The following GSTZ1 variants were observed in gnomAD, a reference collection of about 807,000 sequenced individuals.
The protein encoded by GSTZ1 is maleylacetoacetate isomerase.
In GSTZ1, 34 loss-of-function variants were observed where a neutral mutation model predicts 35.9. The ratio of observed to expected loss-of-function variants is 0.95; its 90% CI spans 0.72 to 1.26. The LOEUF (loss-of-function observed/expected upper bound fraction) is 1.26. GSTZ1 is among the 50% of genes most tolerant of loss of function. GSTZ1 has a pLI of 0.00. For synonymous variants in GSTZ1, 93 were observed against 101.2 expected, an observed-to-expected ratio of 0.92 and a Z score of 0.49; for missense variants, 263 against 271.7, an observed-to-expected ratio of 0.97 and a Z score of 0.23.
rs1158057873 is a variant in GSTZ1 at position 77,330,347 on chromosome 14, C to T, written c.512C>T (p.Ala171Val). ...MADLCLVPQVANAERFKVDLT... is the reference protein window; with the variant it reads ...MADLCLVPQVVNAERFKVDLT... ...GATCTGTGCTTGGTGCCTCAGGTGG[C>T]AAATGCTGAAAGGTAAGAGAGAGCC... The change falls in exon 8 of 9, where the codon GCA becomes GTA. Residue 171 changes from alanine to valine, a missense_variant. Transcript: ENST00000216465. 18 of 1,613,348 alleles carry T rather than the reference C, an allele frequency of 1.1e-5. No homozygotes were observed. The highest frequency in any genetic ancestry group is 3.3e-5 in the Admixed American group (2 of 59,994).
intron 1 of GSTZ1, chr14:77,321,422 G>A (rs1891961381): frequency 6.6e-7 from 1 of 1,526,302 alleles, no homozygotes; most frequent in African/African-American, 1.4e-5. Flanking sequence ...GGGTGGAGTC[G>A]CTGTCCGGTC....
intron 1 of GSTZ1, chr14:77,324,494 G>A: frequency 2.1e-6 from 2 of 946,186 alleles, no homozygotes; most frequent in South Asian, 2.8e-5. Context: ...TGCCTGGGTA[G>A]CCCAGCTTCC....
intron 2 of GSTZ1, chr14:77,325,642 T>G (rs1892279705): frequency 6.6e-6 from 1 of 152,204 alleles, no homozygotes; most frequent in Non-Finnish European, 1.5e-5. Context: ...CAGAGGCCCA[T>G]TAAGTTACTT....
At chr14:77,324,205 C>T (rs147250776) in intron 1 of GSTZ1, 16 of 175,184 alleles carry the variant, frequency 9.1e-5, no homozygotes, top group South Asian at 2.6e-4. Flanking sequence ...TGCAGTGGTG[C>T]GATCTCGGCC....
At chr14:77,324,360 T>C (rs958095603) in intron 1 of GSTZ1, 1 of 549,612 alleles carries the variant, frequency 1.8e-6, no homozygotes, top group Non-Finnish European at 3.3e-6. Context: ...TTGGCCAGGC[T>C]GGTCTCAAAC....
At chr14:77,325,270 T>G (rs1371227893) in intron 2 of GSTZ1, 1 of 281,752 alleles carries the variant, frequency 3.5e-6, no homozygotes, top group Admixed American at 4.4e-5. Context: ...AGTTCTTATT[T>G]TATTTGAACT....
rs8177575 is a variant in GSTZ1 at position 77,331,502 on chromosome 14, GC to G, written c.*308del. 3.1e-3 allele frequency: 926 copies of G among 298,558 alleles called. 11 individuals carry two copies. Among genetic ancestry groups the G allele is most frequent in the African/African-American group, 0.018 (871 of 47,732 alleles). The allele number at this position is 298,558 out of a possible 1,614,324, so 18.5% of individuals were successfully genotyped here. On this transcript the variant is annotated 3_prime_UTR_variant, in exon 9 of 9. Transcript: ENST00000216465. ...TGCTCACCGTAACACCACGGGGAAG[GC>G]TGTGTGCCTTTTCTCATCCGCTTTT...
intron 1 of GSTZ1, chr14:77,321,495 T>G: frequency 7.1e-7 from 1 of 1,414,744 alleles, no homozygotes; most frequent in South Asian, 1.3e-5. Flanking sequence ...CACTAAGGCT[T>G]CCAAACGTCG....
At chr14:77,323,293 AAAAAC>A (rs1892124343) in intron 1 of GSTZ1, 1 of 152,182 alleles carries the variant, frequency 6.6e-6, no homozygotes, top group Non-Finnish European at 1.5e-5. Flanking sequence ...TTTAAAGAAA[AAAAAC>A]AAACAGGTGT....
chr14:77,328,031 C>T lies in GSTZ1; in HGVS notation c.336C>T (p.Pro112=), dbSNP rs983076967. 1.2e-6 allele frequency: 2 copies of T among 1,613,816 alleles called. No homozygotes were observed. The highest frequency in any genetic ancestry group is 1.7e-6 in the Non-Finnish European group (2 of 1,179,880). ...ACCTCATCGCTGGTGGCATCCAGCCCCTGCAGGTGTGGCACTTGTACACTT... is the reference window on the plus strand; with the variant it reads ...ACCTCATCGCTGGTGGCATCCAGCCTCTGCAGGTGTGGCACTTGTACACTT... ...ISDLIAGGIQ[P]LQNLSVLKQV... is the part of the protein sequence containing the mutation. The change falls in exon 5 of 9, where the codon CCC becomes CCT. Residue 112 remains proline (P), a synonymous_variant. Coordinates refer to ENST00000216465, the MANE Select transcript of GSTZ1 (RefSeq NM_145870.3).
intron 1 of GSTZ1, 160 bp downstream of exon 1, chr14:77,321,343 G>A (rs1267606787): frequency 3.3e-6 from 5 of 1,533,422 alleles, no homozygotes; most frequent in Non-Finnish European, 4.4e-6. Context: ...GCTGCGCGCT[G>A]CCCGCTGGGG....
chr14:77,321,081 T>G lies in GSTZ1; in HGVS notation c.-88T>G, dbSNP rs1011509054. 8 of 1,302,772 alleles carry G rather than the reference T, an allele frequency of 6.1e-6. No homozygotes were observed. The highest frequency in any genetic ancestry group is 8.2e-6 in the Non-Finnish European group (8 of 970,472). 80.7% of individuals were successfully genotyped at this position (1,302,772 alleles called of 1,614,324 possible). A position where few individuals can be genotyped will look rare whatever the true frequency, so the allele number is the denominator to read the frequency against. On this transcript the variant is annotated 5_prime_UTR_variant, in exon 1 of 9. Coordinates refer to ENST00000216465, the MANE Select transcript of GSTZ1 (RefSeq NM_145870.3). ...ACCCGGACGAAAGACACGGGCCTGA[T>G]TCGTCGAGTCTCACTGAGCCTTAGT... is the stretch of plus-strand genomic sequence containing the variant.
chr14:77,330,719 C>T, intron 8 of GSTZ1, among the ~76,000 whole-genome samples: 1 of 152,124 alleles, frequency 6.6e-6, no homozygotes, highest in East Asian at 1.9e-4. Flanking sequence ...CACAAATGAG[C>T]ACCTCTCTGG....
chr14:77,324,663 C>T (rs1385909968), intron 1 of GSTZ1: 1 of 1,389,632 alleles, frequency 7.2e-7, no homozygotes, highest in East Asian at 2.5e-5. Flanking sequence ...CTTTGGGGGC[C>T]TCTTGGACCT....
rs1046273309 is a variant in GSTZ1 at position 77,321,041 on chromosome 14, C to T, written c.-128C>T. 1.9e-6 allele frequency: 2 copies of T among 1,061,336 alleles called. No homozygotes were observed. The highest frequency in any genetic ancestry group is 3.2e-5 in the African/African-American group (2 of 61,676). 65.7% of individuals were successfully genotyped at this position (1,061,336 alleles called of 1,614,324 possible). The stretch of plus-strand genomic sequence containing the variant: ...AGGCGACCGGAAGGATCTTTCTAGT[C>T]CAGCCCCTCGCTTTACCCGGACGAA... On this transcript the variant is annotated 5_prime_UTR_variant, in exon 1 of 9. Coordinates refer to ENST00000216465, the MANE Select transcript of GSTZ1 (RefSeq NM_145870.3).
At chr14:77,326,969 G>T in intron 3 of GSTZ1, 64 bp downstream of exon 3, 7 of 1,082,008 alleles carry the variant, frequency 6.5e-6, no homozygotes, top group Non-Finnish European at 9.8e-6. Context: ...ACCAGGCAGG[G>T]GAAAAAGGGG....
chr14:77,326,866 G>C lies in GSTZ1; in HGVS notation c.96G>C (p.Glu32Asp), dbSNP rs1892344237. ...IALALKGIDY[E>D]TVPINLIKDG... Reference sequence around the variant, plus strand: ...TGGCCTTGAAAGGCATCGACTACGAGACGGTGCCCATCAATCTCATAAAGG... The same window carrying C: ...TGGCCTTGAAAGGCATCGACTACGACACGGTGCCCATCAATCTCATAAAGG... The change falls in exon 3 of 9, where the codon GAG becomes GAC. Residue 32 changes from glutamate (E) to aspartate (D), a missense_variant. Coordinates refer to ENST00000216465, the MANE Select transcript of GSTZ1 (RefSeq NM_145870.3). 6.2e-7 allele frequency: 1 copy of C among 1,607,544 alleles called. No individual in the cohort carries two copies. Among genetic ancestry groups the C allele is most frequent in the Admixed American group, 1.7e-5 (1 of 59,354 alleles).
At chr14:77,321,491 G>A (rs1251006619) in intron 1 of GSTZ1, 8 of 1,437,072 alleles carry the variant, frequency 5.6e-6, no homozygotes, top group Non-Finnish European at 6.4e-6. Flanking sequence ...CCTCCACTAA[G>A]GCTTCCAAAC....
chr14:77,321,261 G>A lies in GSTZ1; in HGVS notation c.15+78G>A, dbSNP rs1460987918. The A allele has an allele frequency of 2.0e-6, 3 of 1,523,878 alleles. No homozygotes were observed. The African/African-American group carries it at 4.1e-5, about 21-fold the overall frequency. The allele number at this position is 1,523,878 out of a possible 1,614,324, so 94.4% of individuals were successfully genotyped here. On this transcript the variant is annotated intron_variant, in intron 1 of 8. Coordinates refer to ENST00000216465, the MANE Select transcript of GSTZ1 (RefSeq NM_145870.3). The stretch of plus-strand genomic sequence containing the variant: ...TGGGGGGCGGGGTCAGAAGTGAGCT[G>A]CACCGCCCGCCCAGGCCGACAACGA...
Sources: allele counts gnomAD v4.1 joint callset (sites outside exome capture counted in the v4.1 genomes callset), GRCh38; gene constraint gnomAD v4.1.1; transcripts MANE v1.5; gene names NCBI Gene and HGNC (gene_info 2026-07-23, HGNC 2026-07-21).